The following PAFAH1B2 variants were observed in gnomAD, a reference collection of about 807,000 sequenced individuals.
PAFAH1B2 encodes the protein platelet-activating factor acetylhydrolase IB subunit alpha2.
PAFAH1B2 carries 8 observed loss-of-function variants against 28.0 expected under a neutral mutation model. The observed-to-expected ratio is 0.29, with a 90% CI of 0.17 to 0.52. The LOEUF (loss-of-function observed/expected upper bound fraction) is 0.52. Ranked by LOEUF, PAFAH1B2 falls within the 20% of genes least tolerant of loss-of-function variation. The probability of loss-of-function intolerance (pLI) is 0.97; values close to 1 mark genes in which losing one functional copy is unlikely to be tolerated. For synonymous variants in PAFAH1B2, 104 were observed against 103.2 expected, an observed-to-expected ratio of 1.01 and a Z score of -0.05; for missense variants, 190 against 282.6, an observed-to-expected ratio of 0.67 and a Z score of 2.35.
chr11:117,170,795 G>T lies in PAFAH1B2; in HGVS notation c.*3096G>T. The T allele has an allele frequency of 9.4e-7, 1 of 1,059,786 alleles. No homozygotes were observed. Among genetic ancestry groups the T allele is most frequent in the Non-Finnish European group, 1.1e-6 (1 of 875,866 alleles). 65.6% of individuals were successfully genotyped at this position (1,059,786 alleles called of 1,614,324 possible). A position where few individuals can be genotyped will look rare whatever the true frequency, so the allele number is the denominator to read the frequency against. The stretch of plus-strand genomic sequence containing the variant: ...GAAGAAACTAAAAATATATGGAAAT[G>T]AGGAGCATGTCCAAGCTCCTAAATC... On this transcript the variant is annotated 3_prime_UTR_variant, in exon 6 of 6. Coordinates refer to ENST00000527958, the MANE Select transcript of PAFAH1B2 (RefSeq NM_002572.4).
chr11:117,172,390 ATATATATATATATATTTTTTTTTTTTT>A (rs1309641692), downstream of PAFAH1B2, among the ~76,000 whole-genome samples: 59 of 1,878 alleles, frequency 0.031, 3 homozygotes, highest in Non-Finnish European at 0.045. Context: ...ATATATATAT[ATATATATATATATATTTTTTTTTTTTT>A]TTTTTTTTTT....
intron 4 of PAFAH1B2, among the ~76,000 whole-genome samples, chr11:117,163,568 G>C (rs1474759779): frequency 6.6e-6 from 1 of 151,968 alleles, no homozygotes; most frequent in African/African-American, 2.4e-5. Context: ...AGCTACTCGG[G>C]AGGCTGAGGC....
intron 2 of PAFAH1B2, among the ~76,000 whole-genome samples, chr11:117,156,125 C>T (rs1956249513): frequency 6.6e-6 from 1 of 152,184 alleles, no homozygotes; most frequent in South Asian, 2.1e-4. Context: ...GAGTTTGAGA[C>T]TGTAGTAAGC....
chr11:117,154,427 A>T (rs948163493), intron 2 of PAFAH1B2, among the ~76,000 whole-genome samples: 12 of 152,154 alleles, frequency 7.9e-5, no homozygotes, highest in Non-Finnish European at 1.8e-4. Context: ...TATTTTAAAA[A>T]TTTTTTTGGA....
chr11:117,164,968 T>TC (rs1359579694), intron 5 of PAFAH1B2, among the ~76,000 whole-genome samples: 1 of 149,730 alleles, frequency 6.7e-6, no homozygotes, highest in Non-Finnish European at 1.5e-5. Flanking sequence ...CTTTTTTTTT[T>TC]TTTTTGAGAC....
chr11:117,161,549 C>G (rs1956370916), intron 4 of PAFAH1B2, among the ~76,000 whole-genome samples: 1 of 147,702 alleles, frequency 6.8e-6, no homozygotes, highest in Non-Finnish European at 1.5e-5. Flanking sequence ...TGCTTTGTCA[C>G]CCAGGCTAGA....
chr11:117,151,657 T>G (rs1018162735), intron 1 of PAFAH1B2, among the ~76,000 whole-genome samples: 1 of 152,188 alleles, frequency 6.6e-6, no homozygotes, highest in Admixed American at 6.5e-5. Flanking sequence ...TTGTGTGATG[T>G]TTATTTAGTA....
rs1417193596 is a variant in PAFAH1B2, at chr11:117,170,675, A to T, written c.*2976A>T. On this transcript the variant is annotated 3_prime_UTR_variant, in exon 6 of 6. Transcript: ENST00000527958. ...CCAACTTACTTTATTTTATTTTTTT[A>T]ACCTAGTCACTGTTTACAATTGTAT... The T allele has an allele frequency of 2.8e-6, 3 of 1,054,324 alleles. No individual in the cohort carries two copies. The highest frequency in any genetic ancestry group is 3.3e-5 in the African/African-American group (2 of 60,100). 65.3% of individuals were successfully genotyped at this position (1,054,324 alleles called of 1,614,324 possible).
At position 117,169,298 on chromosome 11, in the gene PAFAH1B2, T is replaced by TAA; in HGVS notation, c.*1606_*1607dup. 1 of 1,038,846 alleles carries TAA rather than the reference T, an allele frequency of 9.6e-7. No individual in the cohort carries two copies. Among genetic ancestry groups the TAA allele is most frequent in the Non-Finnish European group, 1.2e-6 (1 of 861,768 alleles). The allele number at this position is 1,038,846 out of a possible 1,614,324, so 64.4% of individuals were successfully genotyped here. A position where few individuals can be genotyped will look rare whatever the true frequency, so the allele number is the denominator to read the frequency against. On this transcript the variant is annotated 3_prime_UTR_variant, in exon 6 of 6. Transcript: ENST00000527958. ...GTTCGAGCTATATAAGAACTGCCAT[T>TAA]AAAAAAAATGGGATAATAGATGATT... is the stretch of plus-strand genomic sequence containing the variant.
intron 3 of PAFAH1B2, 108 bp from the exon 4 acceptor site, chr11:117,161,037 A>G (rs1212536290): frequency 1.4e-6 from 1 of 734,920 alleles, no homozygotes; most frequent in African/African-American, 1.8e-5. Context: ...TTACAGTGTT[A>G]TCTTTGAATA....
chr11:117,170,129 A>C lies in PAFAH1B2; in HGVS notation c.*2430A>C, dbSNP rs1591756692. The C allele has an allele frequency of 1.9e-6, 2 of 1,055,018 alleles. No individual in the cohort carries two copies. Among genetic ancestry groups the C allele is most frequent in the East Asian group, 1.1e-4 (2 of 18,746 alleles). 65.4% of individuals were successfully genotyped at this position (1,055,018 alleles called of 1,614,324 possible). A position where few individuals can be genotyped will look rare whatever the true frequency, so the allele number is the denominator to read the frequency against. On this transcript the variant is annotated 3_prime_UTR_variant, in exon 6 of 6. Transcript: ENST00000527958. Reference sequence around the variant, plus strand: ...ATTTCTTTGCACTACTTTAGGTAAAAATAGTTAATCTATTTTTCTTTGACA... The same window carrying C: ...ATTTCTTTGCACTACTTTAGGTAAACATAGTTAATCTATTTTTCTTTGACA...
chr11:117,174,744 C>T, downstream of PAFAH1B2: 1 of 452,000 alleles, frequency 2.2e-6, no homozygotes, highest in South Asian at 3.2e-5. Flanking sequence ...TCCCAAAGTG[C>T]TGGGATTACA....
chr11:117,148,713 A>G (rs1226202539), intron 1 of PAFAH1B2, among the ~76,000 whole-genome samples: 3 of 152,128 alleles, frequency 2.0e-5, no homozygotes, highest in South Asian at 2.1e-4. Flanking sequence ...ACTTAAGCCT[A>G]GGAGTTTGAA....
rs1956615174 is a variant in PAFAH1B2 at position 117,170,120 on chromosome 11, T to G, written c.*2421T>G. Reference sequence around the variant, plus strand: ...TTTTGCCAGATTTCTTTGCACTACTTTAGGTAAAAATAGTTAATCTATTTT... The same window carrying G: ...TTTTGCCAGATTTCTTTGCACTACTGTAGGTAAAAATAGTTAATCTATTTT... On this transcript the variant is annotated 3_prime_UTR_variant, in exon 6 of 6. Coordinates refer to ENST00000527958, the MANE Select transcript of PAFAH1B2 (RefSeq NM_002572.4). 1 of 1,054,782 alleles carries G rather than the reference T, an allele frequency of 9.5e-7. No individual in the cohort carries two copies. Among genetic ancestry groups the G allele is most frequent in the Non-Finnish European group, 1.1e-6 (1 of 872,848 alleles). 65.3% of individuals were successfully genotyped at this position (1,054,782 alleles called of 1,614,324 possible). A position where few individuals can be genotyped will look rare whatever the true frequency, so the allele number is the denominator to read the frequency against.
At chr11:117,149,920 T>G (rs1255286007) in intron 1 of PAFAH1B2, among the ~76,000 whole-genome samples, 1 of 151,908 alleles carries the variant, frequency 6.6e-6, no homozygotes, top group Non-Finnish European at 1.5e-5. Context: ...TGGAGAAACC[T>G]TGTCTGTATA....
At position 117,168,712 on chromosome 11, in the gene PAFAH1B2, C is replaced by T; in HGVS notation, c.*1013C>T. ...GGGGGGATTCAGAACTCTTGTTTCC[C>T]ATTCCATAGCACCTGACATTATTTC... On this transcript the variant is annotated 3_prime_UTR_variant, in exon 6 of 6. Transcript: ENST00000527958. 1.9e-6 allele frequency: 2 copies of T among 1,056,744 alleles called. No individual in the cohort carries two copies. The highest frequency in any genetic ancestry group is 2.3e-6 in the Non-Finnish European group (2 of 872,620). The allele number at this position is 1,056,744 out of a possible 1,614,324, so 65.5% of individuals were successfully genotyped here.
In PAFAH1B2 at chr11:117,166,071, C is replaced by G. The variant is rs568681120; in HGVS notation, c.412-1350C>G. Among the ~76,000 whole-genome samples the G allele has an allele frequency of 3.3e-5, 5 of 152,210 alleles. No individual in the cohort carries two copies. In the South Asian group the frequency reaches 1.0e-3, roughly 32 times the overall value. Reference sequence around the variant, plus strand: ...GGCCAGGCTGGTCTCGAACTCCTGACCTCGTTCGTGATCTGCCCGCCTCAT... The same window carrying G: ...GGCCAGGCTGGTCTCGAACTCCTGAGCTCGTTCGTGATCTGCCCGCCTCAT... On this transcript the variant is annotated intron_variant, in intron 5 of 5. Coordinates refer to ENST00000527958, the MANE Select transcript of PAFAH1B2 (RefSeq NM_002572.4).
chr11:117,158,540 T>G (rs1457280336), intron 2 of PAFAH1B2, among the ~76,000 whole-genome samples: 7 of 152,136 alleles, frequency 4.6e-5, no homozygotes, highest in African/African-American at 1.7e-4. Context: ...GGATCATAGT[T>G]GAGAAAATGA....
chr11:117,163,922 G>T (rs1362830505), intron 5 of PAFAH1B2, 30 bp downstream of exon 5: 31 of 1,608,060 alleles, frequency 1.9e-5, no homozygotes, highest in Non-Finnish European at 2.6e-5. Context: ...TAGAGAGTTT[G>T]TTATCTTTAG....
Sources: gnomAD v4.1 joint callset for allele counts (sites outside exome capture counted in the v4.1 genomes callset) on GRCh38, gnomAD v4.1.1 for gene constraint, MANE v1.5 for transcripts, NCBI Gene and HGNC (gene_info 2026-07-23, HGNC 2026-07-21) for gene names.